Variants in DGKD observed in about 807,000 individuals in gnomAD.
DGKD encodes the protein diacylglycerol kinase delta.
Under a neutral mutation model 154.4 loss-of-function variants are expected in DGKD, and 68 were observed. The ratio of observed to expected loss-of-function variants is 0.44; its 90% confidence interval spans 0.36 to 0.54. DGKD has a LOEUF of 0.54. DGKD is among the 20% of genes least tolerant of loss of function. The pLI, the probability that DGKD is intolerant of heterozygous loss-of-function variation, is 0.00. For missense variants in DGKD, 1,343 were observed against 1,593.6 expected (o/e 0.84, Z 2.68); for synonymous variants, 693 against 638.0 (o/e 1.09, Z -1.30).
intron 1 of DGKD, among the ~76,000 whole-genome samples, chr2:233,357,201 G>A (rs1701567795): frequency 6.6e-6 from 1 of 152,204 alleles, no homozygotes; most frequent in Admixed American, 6.5e-5. Flanking sequence ...CTGCTGCTGC[G>A]GATGTACTGT....
At chr2:233,373,507 G>T (rs1702425990) in intron 1 of DGKD, among the ~76,000 whole-genome samples, 1 of 152,208 alleles carries the variant, frequency 6.6e-6, no homozygotes. Flanking sequence ...AGATGATTCA[G>T]ATTGGAGAAG....
chr2:233,413,385 A>G (rs1172943420), intron 3 of DGKD, among the ~76,000 whole-genome samples: 3 of 151,284 alleles, frequency 2.0e-5, no homozygotes, highest in South Asian at 2.1e-4. Flanking sequence ...AAAGTTTTTG[A>G]TAATACCCTG....
intron 3 of DGKD, among the ~76,000 whole-genome samples, chr2:233,398,308 AT>A (rs543765333): frequency 4.1e-5 from 6 of 147,412 alleles, no homozygotes; most frequent in African/African-American, 5.0e-5. Context: ...CGCCCGACTA[AT>A]TTTTTTTTTG....
intron 3 of DGKD, among the ~76,000 whole-genome samples, chr2:233,427,115 C>T (rs950543523): frequency 2.0e-5 from 3 of 152,160 alleles, no homozygotes; most frequent in Non-Finnish European, 4.4e-5. Context: ...GTGAGAAATG[C>T]ATCCACCATT....
intron 4 of DGKD, 121 bp downstream of exon 4, chr2:233,434,605 C>A: frequency 7.0e-7 from 1 of 1,428,418 alleles, no homozygotes; most frequent in South Asian, 1.2e-5. Context: ...TTAGCATGTT[C>A]TTTATACAAT....
At chr2:233,447,894 A>G in intron 12 of DGKD, 193 bp from the exon 13 acceptor site, 2 of 1,418,924 alleles carry the variant, frequency 1.4e-6, no homozygotes, top group African/African-American at 1.4e-5. Flanking sequence ...AAAATCTCTC[A>G]CCTAGCACTA....
chr2:233,361,121 T>A (rs1701763101), intron 1 of DGKD, among the ~76,000 whole-genome samples: 1 of 152,012 alleles, frequency 6.6e-6, no homozygotes, highest in African/African-American at 2.4e-5. Flanking sequence ...TGTGAGACTG[T>A]CTGAGTGCCT....
At chr2:233,362,441 A>G (rs1341826062) in intron 1 of DGKD, among the ~76,000 whole-genome samples, 1 of 152,200 alleles carries the variant, frequency 6.6e-6, no homozygotes, top group Admixed American at 6.5e-5. Flanking sequence ...ACCTGAGGTT[A>G]GGAGTTCAAG....
chr2:233,401,543 TAGAG>T (rs1209918677), intron 3 of DGKD, among the ~76,000 whole-genome samples: 1 of 152,088 alleles, frequency 6.6e-6, no homozygotes, highest in African/African-American at 2.4e-5. Flanking sequence ...AGGTGAACCT[TAGAG>T]AGGAAAGACA....
intron 3 of DGKD, among the ~76,000 whole-genome samples, chr2:233,417,400 C>T (rs1360874697): frequency 1.3e-5 from 2 of 152,124 alleles, no homozygotes; most frequent in East Asian, 3.8e-4. Flanking sequence ...AAAATTTGTT[C>T]ATTTAAAAAC....
chr2:233,446,861 G>A lies in DGKD; in HGVS notation c.1419+65G>A, dbSNP rs979024343. The A allele has an allele frequency of 1.5e-5, 24 of 1,574,436 alleles. No individual in the cohort carries two copies. The Admixed American group carries it at 1.5e-4, about 10-fold the overall frequency. On this transcript the variant is annotated intron_variant, in intron 12 of 29. Coordinates refer to ENST00000264057, the MANE Select transcript of DGKD (RefSeq NM_152879.3). The stretch of plus-strand genomic sequence containing the variant: ...ATGTGATCAGAACTGTCCTGTCAGC[G>A]GTTTGCATCACCTCCCTTGCAGAGA...
At chr2:233,415,784 CA>C (rs1221019512) in intron 3 of DGKD, among the ~76,000 whole-genome samples, 1 of 152,076 alleles carries the variant, frequency 6.6e-6, no homozygotes, top group Non-Finnish European at 1.5e-5. Context: ...CCACCATTCC[CA>C]GCTAATTTAT....
At chr2:233,375,074 G>A (rs1354828221) in intron 1 of DGKD, among the ~76,000 whole-genome samples, 7 of 152,142 alleles carry the variant, frequency 4.6e-5, no homozygotes, top group South Asian at 2.1e-4. Flanking sequence ...TGGATCACCC[G>A]ATGTCAGGAG....
chr2:233,436,522 A>G (rs917291198), intron 7 of DGKD, 81 bp downstream of exon 7: 1 of 1,517,890 alleles, frequency 6.6e-7, no homozygotes, highest in Non-Finnish European at 8.8e-7. Context: ...GCTCCGCATG[A>G]TCTGCTGGAT....
intron 1 of DGKD, among the ~76,000 whole-genome samples, chr2:233,362,187 G>T (rs542112272): frequency 5.9e-5 from 9 of 152,284 alleles, no homozygotes; most frequent in African/African-American, 2.2e-4. Flanking sequence ...TGAAAAAATT[G>T]TGTGAACCAG....
At chr2:233,426,976 T>C (rs1409309808) in intron 3 of DGKD, among the ~76,000 whole-genome samples, 4 of 152,208 alleles carry the variant, frequency 2.6e-5, no homozygotes, top group Admixed American at 1.3e-4. Flanking sequence ...TATTCAAGTC[T>C]TTCGTCCATT....
At chr2:233,436,240 A>C (rs2062690102) in intron 6 of DGKD, 76 bp from the exon 7 acceptor site, 3 of 1,596,990 alleles carry the variant, frequency 1.9e-6, no homozygotes, top group Non-Finnish European at 2.6e-6. Context: ...GGCTGAGTTC[A>C]CAACGAGCAT....
At chr2:233,421,131 T>C (rs77316086) in intron 3 of DGKD, among the ~76,000 whole-genome samples, 6 of 152,248 alleles carry the variant, frequency 3.9e-5, no homozygotes, top group Non-Finnish European at 8.8e-5. Flanking sequence ...AGATAAGACA[T>C]TGGACATTGC....
chr2:233,463,028 C>T (rs905877466), intron 26 of DGKD, among the ~76,000 whole-genome samples: 32 of 152,258 alleles, frequency 2.1e-4, no homozygotes, highest in African/African-American at 7.0e-4. Flanking sequence ...CTGCTCCTGC[C>T]GAGAGCTGGC....
Sources: gnomAD v4.1 joint callset for allele counts (sites outside exome capture counted in the v4.1 genomes callset) on GRCh38, gnomAD v4.1.1 for gene constraint, MANE v1.5 for transcripts, NCBI Gene and HGNC (gene_info 2026-07-23, HGNC 2026-07-21) for gene names.